Variants in HS6ST3 observed in about 807,000 individuals in gnomAD.
HS6ST3 encodes the protein heparan sulfate 6-O-sulfotransferase 3.
Under a neutral mutation model 36.7 loss-of-function variants are expected in HS6ST3, and 12 were observed. The ratio of observed to expected loss-of-function variants is 0.33; its 90% CI spans 0.21 to 0.53. HS6ST3 has a LOEUF of 0.53. HS6ST3 is among the 20% of genes least tolerant of loss of function. The probability of loss-of-function intolerance (pLI) is 0.95; values close to 1 mark genes in which losing one functional copy is unlikely to be tolerated. For missense variants in HS6ST3, 584 were observed against 640.9 expected (o/e 0.91, Z 0.96); for synonymous variants, 240 against 257.5 (o/e 0.93, Z 0.65).
At chr13:96,441,802 A>AT (rs1410499380) in intron 1 of HS6ST3, among the ~76,000 whole-genome samples, 1 of 152,178 alleles carries the variant, frequency 6.6e-6, no homozygotes, top group Non-Finnish European at 1.5e-5. Flanking sequence ...AGCTGTGAGA[A>AT]TATAGCATAA....
chr13:96,447,563 T>C (rs1377175735), intron 1 of HS6ST3, among the ~76,000 whole-genome samples: 8 of 152,218 alleles, frequency 5.3e-5, no homozygotes, highest in African/African-American at 1.9e-4. Flanking sequence ...CGATTCCTGC[T>C]GCCTTCTTCT....
intron 1 of HS6ST3, among the ~76,000 whole-genome samples, chr13:96,334,826 C>T (rs926086525): frequency 6.6e-6 from 1 of 152,176 alleles, no homozygotes; most frequent in East Asian, 1.9e-4. Flanking sequence ...GGTGGAGACA[C>T]AGCCAAACCG....
At chr13:96,624,499 G>C (rs1200445138) in intron 1 of HS6ST3, among the ~76,000 whole-genome samples, 1 of 152,016 alleles carries the variant, frequency 6.6e-6, no homozygotes, top group African/African-American at 2.4e-5. Context: ...TATCACAAGG[G>C]TATATTGTGT....
At chr13:96,466,541 G>T (rs2055814673) in intron 1 of HS6ST3, among the ~76,000 whole-genome samples, 1 of 152,092 alleles carries the variant, frequency 6.6e-6, no homozygotes, top group Non-Finnish European at 1.5e-5. Flanking sequence ...GTCTTTCTAT[G>T]TCTGGCCTGT....
At chr13:96,627,331 A>G (rs569154188) in intron 1 of HS6ST3, among the ~76,000 whole-genome samples, 1 of 152,172 alleles carries the variant, frequency 6.6e-6, no homozygotes, top group African/African-American at 2.4e-5. Flanking sequence ...AAGTTAGAGT[A>G]ATCAATTTTC....
At chr13:96,625,463 A>C (rs2056508912) in intron 1 of HS6ST3, among the ~76,000 whole-genome samples, 1 of 152,114 alleles carries the variant, frequency 6.6e-6, no homozygotes, top group African/African-American at 2.4e-5. Context: ...AACGACCATC[A>C]ATTTACATTC....
chr13:96,441,594 T>G (rs866847127), intron 1 of HS6ST3, among the ~76,000 whole-genome samples: 1 of 152,176 alleles, frequency 6.6e-6, no homozygotes, highest in African/African-American at 2.4e-5. Flanking sequence ...AAGCAGGTGA[T>G]TCAGAGTTCA....
At chr13:96,593,781 A>C (rs1345580086) in intron 1 of HS6ST3, among the ~76,000 whole-genome samples, 1 of 151,896 alleles carries the variant, frequency 6.6e-6, no homozygotes, top group Non-Finnish European at 1.5e-5. Context: ...GTATGTAATG[A>C]AATTCTTTGT....
intron 1 of HS6ST3, among the ~76,000 whole-genome samples, chr13:96,654,144 C>T (rs913534827): frequency 6.6e-6 from 1 of 152,102 alleles, no homozygotes; most frequent in Non-Finnish European, 1.5e-5. Flanking sequence ...AAAATTTTCC[C>T]CCATTGTGTA....
At chr13:96,357,408 T>G (rs1017990892) in intron 1 of HS6ST3, among the ~76,000 whole-genome samples, 2 of 152,194 alleles carry the variant, frequency 1.3e-5, no homozygotes. Flanking sequence ...TGTGTGACTC[T>G]GTCTTTCACT....
intron 1 of HS6ST3, among the ~76,000 whole-genome samples, chr13:96,469,656 A>T (rs2055831155): frequency 6.6e-6 from 1 of 152,144 alleles, no homozygotes; most frequent in South Asian, 2.1e-4. Flanking sequence ...CATGCTAGGA[A>T]ACTAGCTGAT....
In HS6ST3 at chr13:96,405,817, C is replaced by A. The variant is rs376650017; in HGVS notation, c.707+314248C>A. Among the ~76,000 whole-genome samples, 4 of 152,206 alleles carry A rather than the reference C, an allele frequency of 2.6e-5. No homozygotes were observed. The East Asian group carries it at 5.8e-4, about 22-fold the overall frequency. On this transcript the variant is annotated intron_variant, in intron 1 of 1. Transcript: ENST00000376705. ...GATTGTTTACATTTCCTTGCAAGTG[C>A]CTTTGGTGTGGTCTTTGGTTTCTTT...
chr13:96,431,195 C>A (rs1035141908), intron 1 of HS6ST3, among the ~76,000 whole-genome samples: 1 of 150,848 alleles, frequency 6.6e-6, no homozygotes, highest in Admixed American at 6.6e-5. Context: ...CAGAGTGAGA[C>A]CTTGTCTCTA....
At chr13:96,514,635 A>G (rs1191641132) in intron 1 of HS6ST3, among the ~76,000 whole-genome samples, 1 of 152,338 alleles carries the variant, frequency 6.6e-6, no homozygotes, top group East Asian at 1.9e-4. Context: ...AGGAGGCCTC[A>G]GAGGCAATCG....
At chr13:96,275,120 T>G (rs1337351274) in intron 1 of HS6ST3, among the ~76,000 whole-genome samples, 1 of 152,152 alleles carries the variant, frequency 6.6e-6, no homozygotes, top group East Asian at 1.9e-4. Context: ...ATACCTATGA[T>G]GAAGGGTTGT....
rs182476981 is a variant in HS6ST3 at position 96,189,065 on chromosome 13, C to T, written c.707+97496C>T. Among the ~76,000 whole-genome samples the T allele has an allele frequency of 1.0e-3, 157 of 152,058 alleles. 1 individual carries two copies. The highest frequency in any genetic ancestry group is 2.6e-4 in the Non-Finnish European group (18 of 67,988). ...CAAGAATGGAAAATACATTTCAGTT[C>T]ATTTTTCTTCATCTATAATTTTCTA... On this transcript the variant is annotated intron_variant, in intron 1 of 1. Transcript: ENST00000376705.
chr13:96,570,639 A>G (rs1479792940), intron 1 of HS6ST3, among the ~76,000 whole-genome samples: 3 of 152,354 alleles, frequency 2.0e-5, no homozygotes, highest in East Asian at 3.9e-4. Flanking sequence ...AGAAGCATTT[A>G]TAGAACACCT....
intron 1 of HS6ST3, among the ~76,000 whole-genome samples, chr13:96,670,384 G>T (rs1160082049): frequency 1.3e-5 from 2 of 152,064 alleles, no homozygotes; most frequent in Non-Finnish European, 2.9e-5. Context: ...ATCTTTTTTG[G>T]GAGTTTAATG....
intron 1 of HS6ST3, among the ~76,000 whole-genome samples, chr13:96,334,479 G>A (rs865926192): frequency 2.6e-5 from 4 of 152,114 alleles, no homozygotes; most frequent in African/African-American, 9.7e-5. Context: ...TACTGCATTC[G>A]TCAGTTCTCA....
Sources: allele counts gnomAD v4.1 joint callset (sites outside exome capture counted in the v4.1 genomes callset), GRCh38; gene constraint gnomAD v4.1.1; transcripts MANE v1.5; gene names NCBI Gene and HGNC (gene_info 2026-07-23, HGNC 2026-07-21).